The following TENM3 variants were observed in gnomAD, a reference collection of about 807,000 sequenced individuals.
TENM3 encodes the protein teneurin-3.
In TENM3, 63 loss-of-function variants were observed where a neutral mutation model predicts 255.1. The observed-to-expected ratio is 0.25, with a 90% CI of 0.20 to 0.30. The LOEUF is 0.30. TENM3 is among the 10% of genes least tolerant of loss of function. The pLI is 1.00. For synonymous variants in TENM3, 1,306 were observed against 1,322.3 expected, an observed-to-expected ratio of 0.99 and a Z score of 0.27; for missense variants, 2,929 against 3,461.1, an observed-to-expected ratio of 0.85 and a Z score of 3.86.
At chr4:181,532,838 A>T in the TENM3 span, among the ~76,000 whole-genome samples, 1 of 152,312 alleles carries the variant, frequency 6.6e-6, no homozygotes. Context: ...TGTTTCATTT[A>T]TAGAATAACA....
the TENM3 span, among the ~76,000 whole-genome samples, chr4:181,577,109 TATA>T: frequency 1.1e-4 from 14 of 131,354 alleles, no homozygotes; most frequent in South Asian, 4.4e-4. Context: ...TTTATTATTA[TATA>T]ATAATAAATT....
At chr4:181,763,670 C>T in the TENM3 span, among the ~76,000 whole-genome samples, 3 of 152,138 alleles carry the variant, frequency 2.0e-5, no homozygotes, top group African/African-American at 7.2e-5. Context: ...ACACTGTATG[C>T]CTTGCAAAGC....
intron 4 of TENM3, among the ~76,000 whole-genome samples, chr4:182,616,007 C>T (rs1033485335): frequency 6.6e-6 from 1 of 152,214 alleles, no homozygotes; most frequent in African/African-American, 2.4e-5. Context: ...GGAGCAGCCC[C>T]GTCAGTTGCT....
chr4:181,960,275 C>A, the TENM3 span, among the ~76,000 whole-genome samples: 1 of 152,124 alleles, frequency 6.6e-6, no homozygotes, highest in African/African-American at 2.4e-5. Flanking sequence ...GGTAAGTAGG[C>A]TGTTTTGCCT....
intron 1 of TENM3, among the ~76,000 whole-genome samples, chr4:182,297,878 T>C (rs1761595265): frequency 6.6e-6 from 1 of 152,202 alleles, no homozygotes; most frequent in Non-Finnish European, 1.5e-5. Context: ...TCTCTCTGCC[T>C]CTGTTACTCC....
chr4:181,999,230 T>C, the TENM3 span, among the ~76,000 whole-genome samples: 1 of 152,250 alleles, frequency 6.6e-6, no homozygotes, highest in East Asian at 1.9e-4. Context: ...AAAAAGAGAC[T>C]TTGTGAATGA....
At chr4:182,677,488 A>T (rs76477084) in intron 7 of TENM3, among the ~76,000 whole-genome samples, 1 of 152,204 alleles carries the variant, frequency 6.6e-6, no homozygotes, top group African/African-American at 2.4e-5. Flanking sequence ...TCTCTTTGCC[A>T]TGCAAATGTG....
intron 3 of TENM3, among the ~76,000 whole-genome samples, chr4:182,371,476 C>T (rs6552560): frequency 0.22 from 33,730 of 152,018 alleles, 4,396 homozygotes; most frequent in African/African-American, 0.35. Context: ...TAAGCCTCAC[C>T]ATGATGTTTC....
intron 12 of TENM3, among the ~76,000 whole-genome samples, chr4:182,692,993 C>G (rs1219673347): frequency 6.6e-6 from 1 of 152,106 alleles, no homozygotes; most frequent in Non-Finnish European, 1.5e-5. Flanking sequence ...TGGAAAACTA[C>G]TAGATTTAAA....
intron 26 of TENM3, among the ~76,000 whole-genome samples, chr4:182,795,296 C>T (rs890530895): frequency 5.3e-5 from 8 of 152,186 alleles, no homozygotes; most frequent in Non-Finnish European, 1.0e-4. Context: ...TTACGGTCCT[C>T]TGATTTTCAC....
At chr4:182,431,448 C>T (rs6844514) in intron 3 of TENM3, among the ~76,000 whole-genome samples, 76,351 of 151,772 alleles carry the variant, frequency 0.5, 19,472 homozygotes, top group South Asian at 0.59. Context: ...GTGCCGAGAT[C>T]GCGCCACTGC....
the TENM3 span, among the ~76,000 whole-genome samples, chr4:182,104,503 CTTTTTTT>C: frequency 7.6e-5 from 5 of 66,190 alleles, no homozygotes; most frequent in African/African-American, 1.3e-4. Flanking sequence ...ACTGTTGACT[CTTTTTTT>C]TTTTTTTTTT....
At chr4:182,646,600 G>C (rs983325587) in intron 5 of TENM3, among the ~76,000 whole-genome samples, 1 of 152,050 alleles carries the variant, frequency 6.6e-6, no homozygotes, top group Non-Finnish European at 1.5e-5. Context: ...AAATTAGCTG[G>C]ATGTGGTGGC....
the TENM3 span, among the ~76,000 whole-genome samples, chr4:181,667,545 C>G: frequency 6.6e-6 from 1 of 152,128 alleles, no homozygotes; most frequent in Non-Finnish European, 1.5e-5. Context: ...GCTGTGATCT[C>G]AGGAGTGAGT....
the TENM3 span, among the ~76,000 whole-genome samples, chr4:181,714,803 A>G: frequency 6.6e-6 from 1 of 152,178 alleles, no homozygotes; most frequent in African/African-American, 2.4e-5. Context: ...ATATTTATTG[A>G]GAACCATCTA....
the TENM3 span, among the ~76,000 whole-genome samples, chr4:181,709,811 G>C: frequency 6.6e-6 from 1 of 152,198 alleles, no homozygotes; most frequent in Non-Finnish European, 1.5e-5. Context: ...TTTTGAAGTA[G>C]CGTTCAGAAG....
the TENM3 span, among the ~76,000 whole-genome samples, chr4:181,927,393 A>C: frequency 6.6e-6 from 1 of 152,210 alleles, no homozygotes; most frequent in Non-Finnish European, 1.5e-5. Flanking sequence ...TCACAGTGTA[A>C]ATAAAGCCGC....
chr4:181,906,683 C>T, the TENM3 span, among the ~76,000 whole-genome samples: 51 of 152,244 alleles, frequency 3.3e-4, no homozygotes, highest in Admixed American at 4.6e-4. Flanking sequence ...TGGGAATCAT[C>T]CAGTGGCCTT....
chr4:182,250,599 G>A (rs1255577029), intron 1 of TENM3, among the ~76,000 whole-genome samples: 8 of 152,156 alleles, frequency 5.3e-5, no homozygotes, highest in Admixed American at 5.2e-4. Flanking sequence ...TTTGGTTCAT[G>A]TTTGGACAGA....
Sources: gnomAD v4.1 joint callset for allele counts (sites outside exome capture counted in the v4.1 genomes callset) on GRCh38, gnomAD v4.1.1 for gene constraint, MANE v1.5 for transcripts, NCBI Gene and HGNC (gene_info 2026-07-23, HGNC 2026-07-21) for gene names.